Variants in STAT4 observed in about 807,000 individuals in gnomAD.
The protein encoded by STAT4 is signal transducer and activator of transcription 4.
In STAT4, 42 loss-of-function variants were observed where a neutral mutation model predicts 110.5. The ratio of observed to expected loss-of-function variants is 0.38; its 90% CI spans 0.30 to 0.49. The LOEUF (loss-of-function observed/expected upper bound fraction) is 0.49. Ranked by LOEUF, STAT4 falls within the 20% of genes least tolerant of loss-of-function variation. The pLI, the probability that STAT4 is intolerant of heterozygous loss-of-function variation, is 0.95. For synonymous variants in STAT4, 284 were observed against 302.2 expected, an observed-to-expected ratio of 0.94 and a Z score of 0.63; for missense variants, 632 against 887.9, an observed-to-expected ratio of 0.71 and a Z score of 3.66.
chr2:191,131,829 A>T, intron 3 of STAT4: 1 of 1,430,978 alleles, frequency 7.0e-7, no homozygotes, highest in Non-Finnish European at 9.2e-7. Context: ...CCTAGGGACA[A>T]GATTTGGACC....
chr2:191,054,674 C>G (rs1408958985), intron 13 of STAT4, 140 bp from the exon 14 acceptor site: 1 of 658,826 alleles, frequency 1.5e-6, no homozygotes, highest in Non-Finnish European at 2.6e-6. Context: ...TCATTGAAAC[C>G]TGACACAACT....
At position 191,090,955 on chromosome 2, in the gene STAT4, T is replaced by C. The variant is rs1281596884; in HGVS notation, c.274-14630A>G. ...AGGTCTGAGTACATTTCCTGCAGAA[T>C]GATCTATGTCTACGAAGACTTAACC... On this transcript the variant is annotated intron_variant, in intron 3 of 23. Transcript: ENST00000392320. This position sits in a 1 kb window ranked among gnomAD's most constrained non-coding sequence, Gnocchi z 4.2. Among the ~76,000 whole-genome samples the C allele has an allele frequency of 1.3e-5, 2 of 152,174 alleles. No individual in the cohort carries two copies. Among genetic ancestry groups the C allele is most frequent in the African/African-American group, 2.4e-5 (1 of 41,438 alleles).
intron 3 of STAT4, among the ~76,000 whole-genome samples, chr2:191,121,453 C>T (rs948560621): frequency 1.1e-4 from 17 of 152,192 alleles, no homozygotes; most frequent in African/African-American, 3.9e-4. Context: ...AATCATGCTG[C>T]TGTAAAGACA....
At chr2:191,123,084 CT>C (rs1239800358) in intron 3 of STAT4, among the ~76,000 whole-genome samples, 1 of 152,238 alleles carries the variant, frequency 6.6e-6, no homozygotes, top group African/African-American at 2.4e-5. Flanking sequence ...GTCTACACCT[CT>C]TTCAGTTTGA....
In STAT4 at chr2:191,034,743, T is replaced by C. The variant is rs1454240570; in HGVS notation, c.1571-146A>G. The C allele has an allele frequency of 5.0e-6, 3 of 604,178 alleles. No homozygotes were observed. In the African/African-American group the frequency reaches 5.7e-5, roughly 11 times the overall value. 37.4% of individuals were successfully genotyped at this position (604,178 alleles called of 1,614,324 possible). On this transcript the variant is annotated intron_variant, in intron 17 of 23. Coordinates refer to ENST00000392320, the MANE Select transcript of STAT4 (RefSeq NM_003151.4). ...GCAATGTACTGAGTGCTAGGTACAG[T>C]ACAAATACAAGACATCATCCTTGTT...
rs939111067 is a variant in STAT4 at position 191,039,775 on chromosome 2, T to C, written c.1336-478A>G. The stretch of plus-strand genomic sequence containing the variant: ...GTTTCTATTGTAAAAATAGGAGAGA[T>C]AAGCTATGGGAGATAGAGCCGTCTG... On this transcript the variant is annotated intron_variant, in intron 15 of 23. Coordinates refer to ENST00000392320, the MANE Select transcript of STAT4 (RefSeq NM_003151.4). The surrounding 1 kb of genome is among the most constrained non-coding windows in gnomAD (Gnocchi z 4.7). Among the ~76,000 whole-genome samples the C allele has an allele frequency of 6.6e-6, 1 of 152,218 alleles. No individual in the cohort carries two copies. Among genetic ancestry groups the C allele is most frequent in the Non-Finnish European group, 1.5e-5 (1 of 68,024 alleles).
At chr2:191,056,779 A>ATTTTTTTTTTTTTTTTTTTTT (rs34775786) in intron 13 of STAT4, among the ~76,000 whole-genome samples, 1 of 94,516 alleles carries the variant, frequency 1.1e-5, no homozygotes. Context: ...CTTCTACACT[A>ATTTTTTTTTTTTTTTTTTTTT]TTTTTTTTTT....
chr2:191,033,899 C>A lies in STAT4; in HGVS notation c.1715+12G>T. ...TAATTAACTCATATGAAAAATATAG[C>A]CTATAACTTACCCATCAATCCAAAG... On this transcript the variant is annotated intron_variant, in intron 19 of 23. Coordinates refer to ENST00000392320, the MANE Select transcript of STAT4 (RefSeq NM_003151.4). The surrounding 1 kb of genome is among the most constrained non-coding windows in gnomAD (Gnocchi z 6.9). 6.3e-7 allele frequency: 1 copy of A among 1,582,282 alleles called. No homozygotes were observed. The highest frequency in any genetic ancestry group is 8.6e-7 in the Non-Finnish European group (1 of 1,160,516).
In STAT4 at chr2:191,073,136, C is replaced by A. The variant is rs370819441; in HGVS notation, c.427G>T (p.Val143Leu). The change falls in exon 5 of 24, where the codon GTG becomes TTG. Residue 143 changes from valine (V) to leucine (L), a missense_variant. Around this residue, in one of 4 missense-constraint regions of STAT4, gnomAD observed 488 missense variants for 632.8 expected, o/e 0.77. Transcript: ENST00000392320. ...TTAATGGCAGCCACTTTGTGCTCCA[C>A]ATTCCTCTGTCTTTCTGAAACTGAA... ...SSSVSERQRN[V>L]EHKVAAIKNS... 2 of 1,614,020 alleles carry A rather than the reference C, an allele frequency of 1.2e-6. No homozygotes were observed. Among genetic ancestry groups the A allele is most frequent in the Non-Finnish European group, 1.7e-6 (2 of 1,179,942 alleles).
chr2:191,131,955 C>T, intron 3 of STAT4: 1 of 1,291,550 alleles, frequency 7.7e-7, no homozygotes, highest in Non-Finnish European at 9.9e-7. Context: ...TGTGTGTTAT[C>T]TAGATTTACA....
Position 191,051,955 on chromosome 2 carries a change from G to A in STAT4, c.1251+2535C>T, listed in dbSNP as rs1696536694. 6.6e-6 allele frequency among the ~76,000 whole-genome samples: 1 copy of A among 152,220 alleles called. No homozygotes were observed. The highest frequency in any genetic ancestry group is 1.5e-5 in the Non-Finnish European group (1 of 68,048). On this transcript the variant is annotated intron_variant, in intron 14 of 23. Coordinates refer to ENST00000392320, the MANE Select transcript of STAT4 (RefSeq NM_003151.4). This position sits in a 1 kb window ranked among gnomAD's most constrained non-coding sequence, Gnocchi z 5.6. ...AAGAGTTACAGAAATCAGTATTAGT[G>A]AAGCTCTTAGTGTCCAGTATATAGT...
rs894772956 is a variant in STAT4 at position 191,035,686 on chromosome 2, ACTT to A, written c.1570+475_1570+477del. Among the ~76,000 whole-genome samples, 1 of 152,222 alleles carries A rather than the reference ACTT, an allele frequency of 6.6e-6. No individual in the cohort carries two copies. The highest frequency in any genetic ancestry group is 6.5e-5 in the Admixed American group (1 of 15,280). Reference sequence around the variant, plus strand: ...TTAAGTATTGCCCAGGTAGTTTAAAACTTCTATTACATTTCCTAGACCTAGTGA... The same window carrying A: ...TTAAGTATTGCCCAGGTAGTTTAAAACTATTACATTTCCTAGACCTAGTGA... On this transcript the variant is annotated intron_variant, in intron 17 of 23. Coordinates refer to ENST00000392320, the MANE Select transcript of STAT4 (RefSeq NM_003151.4). This position sits in a 1 kb window ranked among gnomAD's most constrained non-coding sequence, Gnocchi z 4.7.
chr2:191,084,970 TA>T (rs923322112), intron 3 of STAT4, among the ~76,000 whole-genome samples: 4 of 151,526 alleles, frequency 2.6e-5, no homozygotes, highest in Admixed American at 1.3e-4. Context: ...TATACAAAGG[TA>T]AAAAAAGTAG....
intron 3 of STAT4, among the ~76,000 whole-genome samples, chr2:191,078,460 T>A (rs1697373488): frequency 6.6e-6 from 1 of 152,196 alleles, no homozygotes. Flanking sequence ...ATCCAGGATA[T>A]CTTTTCACTT....
chr2:191,105,422 T>G (rs888020209), intron 3 of STAT4, among the ~76,000 whole-genome samples: 2 of 152,230 alleles, frequency 1.3e-5, no homozygotes, highest in African/African-American at 4.8e-5. Flanking sequence ...TGTTTGCTTG[T>G]TCTTTTTAAA....
chr2:191,052,481 A>G (rs577231900), intron 14 of STAT4, among the ~76,000 whole-genome samples: 20 of 152,352 alleles, frequency 1.3e-4, no homozygotes, highest in African/African-American at 4.8e-4. Context: ...AATAAATTGA[A>G]GGCAATATAA....
At chr2:191,098,774 A>T (rs1474086261) in intron 3 of STAT4, among the ~76,000 whole-genome samples, 1 of 152,162 alleles carries the variant, frequency 6.6e-6, no homozygotes, top group Non-Finnish European at 1.5e-5. Context: ...AATAAATCTT[A>T]GAATAGAATT....
rs997855435 is a variant in STAT4 at position 191,060,978 on chromosome 2, G to A, written c.1034+751C>T. 1.3e-5 allele frequency among the ~76,000 whole-genome samples: 2 copies of A among 152,138 alleles called. No homozygotes were observed. Among genetic ancestry groups the A allele is most frequent in the African/African-American group, 4.8e-5 (2 of 41,432 alleles). On this transcript the variant is annotated intron_variant, in intron 10 of 23. Coordinates refer to ENST00000392320, the MANE Select transcript of STAT4 (RefSeq NM_003151.4). This position sits in a 1 kb window ranked among gnomAD's most constrained non-coding sequence, Gnocchi z 4.5. Reference sequence around the variant, plus strand: ...TAGTCTGTGGTTTCAGCTTTCCAGAGGTGACCTAGTGATTAGGCCTTTAAA... The same window carrying A: ...TAGTCTGTGGTTTCAGCTTTCCAGAAGTGACCTAGTGATTAGGCCTTTAAA...
At position 191,146,394 on chromosome 2, in the gene STAT4, G is replaced by A. The variant is rs568868462; in HGVS notation, c.273+219C>T. ...TGCAAGTCCCACATGCAACACACTT[G>A]TAATGTATTTTATACACTATACTTT... On this transcript the variant is annotated intron_variant, in intron 3 of 23. Coordinates refer to ENST00000392320, the MANE Select transcript of STAT4 (RefSeq NM_003151.4). The surrounding 1 kb of genome is among the most constrained non-coding windows in gnomAD (Gnocchi z 4.5). Among the ~76,000 whole-genome samples, 10 of 152,144 alleles carry A rather than the reference G, an allele frequency of 6.6e-5. No individual in the cohort carries two copies. The East Asian group carries it at 1.9e-3, about 30-fold the overall frequency.
Sources: allele counts gnomAD v4.1 joint callset (sites outside exome capture counted in the v4.1 genomes callset), GRCh38; gene constraint gnomAD v4.1.1; regional missense constraint gnomAD v4.1.1; non-coding constraint Gnocchi (gnomAD v3.1); transcripts MANE v1.5; gene names NCBI Gene and HGNC (gene_info 2026-07-23, HGNC 2026-07-21).